The following ZNF536 variants were observed in gnomAD, a reference collection of about 807,000 sequenced individuals.
ZNF536 encodes the protein zinc finger protein 536.
ZNF536 carries 13 observed loss-of-function variants against 84.5 expected under a neutral mutation model. The ratio of observed to expected loss-of-function variants is 0.15; its 90% CI spans 0.10 to 0.24. The LOEUF is 0.24. Ranked by LOEUF, ZNF536 falls within the 10% of genes least tolerant of loss-of-function variation. The pLI is 1.00. For synonymous variants in ZNF536, 811 were observed against 742.5 expected, an observed-to-expected ratio of 1.09 and a Z score of -1.50; for missense variants, 1,536 against 1,747.5, an observed-to-expected ratio of 0.88 and a Z score of 2.16.
intron 2 of ZNF536, among the ~76,000 whole-genome samples, chr19:30,295,972 C>G (rs2045983650): frequency 6.6e-6 from 1 of 152,186 alleles, no homozygotes; most frequent in Non-Finnish European, 1.5e-5. Flanking sequence ...GTCCAGAGGC[C>G]TCCATGGGGC....
chr19:30,589,451 T>G (rs961737587), intron 1 of ZNF536, among the ~76,000 whole-genome samples: 6 of 152,180 alleles, frequency 3.9e-5, no homozygotes, highest in Non-Finnish European at 5.9e-5. Context: ...CTTTTGAAGT[T>G]GAGGAGTCCA....
chr19:30,701,393 A>AC (rs1406210949), intron 1 of ZNF536, among the ~76,000 whole-genome samples: 1 of 151,742 alleles, frequency 6.6e-6, no homozygotes, highest in Non-Finnish European at 1.5e-5. Flanking sequence ...ACACAGACAC[A>AC]CCCAAACACA....
rs148371658 is a variant in ZNF536 at position 30,365,579 on chromosome 19, C to G, written c.-3+13095C>G. On this transcript the variant is annotated intron_variant, in intron 3 of 5. Coordinates refer to the ZNF536 transcript ENST00000585628. ...CAGGCAAGGGCCACGAAGCCCACGT[C>G]TGCTTCAGACAACCCAGCTGACCAC... 3.9e-4 allele frequency among the ~76,000 whole-genome samples: 59 copies of G among 152,342 alleles called. No individual in the cohort carries two copies. In the East Asian group the frequency reaches 0.011, roughly 28 times the overall value.
At chr19:30,605,329 AC>A (rs1273866141) in intron 1 of ZNF536, among the ~76,000 whole-genome samples, 2 of 150,648 alleles carry the variant, frequency 1.3e-5, no homozygotes, top group African/African-American at 4.9e-5. Flanking sequence ...TTTACCCCTG[AC>A]CCCCTCCAAA....
chr19:30,344,293 A>G (rs1259075711), intron 2 of ZNF536, among the ~76,000 whole-genome samples: 1 of 140,698 alleles, frequency 7.1e-6, no homozygotes, highest in Non-Finnish European at 1.5e-5. Flanking sequence ...ACACACACAC[A>G]CACAAATATA....
chr19:30,625,613 G>C (rs952871920), intron 1 of ZNF536, among the ~76,000 whole-genome samples: 1 of 152,184 alleles, frequency 6.6e-6, no homozygotes, highest in Non-Finnish European at 1.5e-5. Flanking sequence ...ATTCACTCAA[G>C]GTCATAATGT....
At chr19:30,580,006 A>C (rs1293718182) in intron 1 of ZNF536, among the ~76,000 whole-genome samples, 1 of 152,190 alleles carries the variant, frequency 6.6e-6, no homozygotes, top group Non-Finnish European at 1.5e-5. Context: ...CCAAAGGCCC[A>C]TGGCTGGGAT....
intron 1 of ZNF536, among the ~76,000 whole-genome samples, chr19:30,575,861 T>C (rs2046713588): frequency 1.3e-5 from 2 of 152,100 alleles, no homozygotes; most frequent in South Asian, 4.2e-4. Flanking sequence ...GCATGTACAG[T>C]TCAGAGAACT....
chr19:30,559,575 G>C (rs1395637183), downstream of ZNF536, among the ~76,000 whole-genome samples: 6 of 152,182 alleles, frequency 3.9e-5, no homozygotes, highest in Non-Finnish European at 5.9e-5. Context: ...TGTACACCCC[G>C]CTGCCCACTT....
At chr19:30,241,618 A>T (rs530377371) in intron 1 of ZNF536, among the ~76,000 whole-genome samples, 200 of 152,278 alleles carry the variant, frequency 1.3e-3, no homozygotes, top group African/African-American at 4.6e-3. Context: ...TAAAAAAGGG[A>T]TGGAGAGAGT....
At chr19:30,276,622 G>A (rs908821672) in intron 1 of ZNF536, among the ~76,000 whole-genome samples, 2 of 152,136 alleles carry the variant, frequency 1.3e-5, no homozygotes, top group African/African-American at 4.8e-5. Context: ...TTACCCAGAT[G>A]AGCTTTTGTA....
intron 2 of ZNF536, among the ~76,000 whole-genome samples, chr19:30,308,247 G>C (rs569591864): frequency 1.3e-5 from 2 of 152,196 alleles, no homozygotes; most frequent in South Asian, 4.2e-4. Context: ...TGCATAAAGG[G>C]TAACATTACC....
chr19:30,514,599 C>T (rs1374698288), intron 2 of ZNF536, among the ~76,000 whole-genome samples: 1 of 151,968 alleles, frequency 6.6e-6, no homozygotes, highest in African/African-American at 2.4e-5. Context: ...CTTTATGCAG[C>T]TCTTCTGGTG....
chr19:30,544,434 G>T (rs2045464012), intron 3 of ZNF536, among the ~76,000 whole-genome samples: 1 of 152,198 alleles, frequency 6.6e-6, no homozygotes, highest in Non-Finnish European at 1.5e-5. Flanking sequence ...CTCAGCTCTG[G>T]CTTTTATTCT....
chr19:30,595,841 C>G (rs545280019), intron 1 of ZNF536, among the ~76,000 whole-genome samples: 1 of 152,222 alleles, frequency 6.6e-6, no homozygotes, highest in Admixed American at 6.5e-5. Flanking sequence ...TTTCTAGTGT[C>G]AGGACATAAG....
At chr19:30,539,118 A>AC (rs199778964) in intron 3 of ZNF536, among the ~76,000 whole-genome samples, 6,364 of 148,888 alleles carry the variant, frequency 0.043, 189 homozygotes, top group African/African-American at 0.078. Flanking sequence ...GGAGATATGC[A>AC]CCCCCCCCAC....
At chr19:30,273,678 G>A (rs1439785328) in intron 1 of ZNF536, among the ~76,000 whole-genome samples, 2 of 152,174 alleles carry the variant, frequency 1.3e-5, no homozygotes, top group South Asian at 2.1e-4. Flanking sequence ...TTTCTCCAAT[G>A]TGTAGCTTGT....
intron 1 of ZNF536, among the ~76,000 whole-genome samples, chr19:30,427,722 G>C (rs923295174): frequency 5.3e-5 from 8 of 152,106 alleles, no homozygotes; most frequent in Admixed American, 5.2e-4. Flanking sequence ...TCCTAGCCTG[G>C]CTTCCTCAAA....
rs1487282773 is a variant in ZNF536 at position 30,445,708 on chromosome 19, C to A, written c.2146C>A (p.His716Asn). 6.4e-7 allele frequency: 1 copy of A among 1,573,402 alleles called. No individual in the cohort carries two copies. Among genetic ancestry groups the A allele is most frequent in the Non-Finnish European group, 8.6e-7 (1 of 1,158,822 alleles). ...QTGSAQEDSPHPSSPSSSDIG... is the reference protein window; with the variant it reads ...QTGSAQEDSPNPSSPSSSDIG... ...CGGGAGTGCCCAGGAGGACAGCCCG[C>A]ACCCCTCCTCGCCATCCTCCTCAGG... is the stretch of plus-strand genomic sequence containing the variant. The change falls in exon 2 of 5, where the codon CAC becomes AAC. Residue 716 changes from histidine (H) to asparagine (N), a missense_variant. Physicochemically the swap from His to Asn is moderately conservative, Grantham distance 68 (BLOSUM62 1). Coordinates refer to ENST00000355537, the MANE Select transcript of ZNF536 (RefSeq NM_014717.3). This position sits in a 1 kb window ranked among gnomAD's most constrained non-coding sequence, Gnocchi z 4.5.
Sources: gnomAD v4.1 joint callset for allele counts (sites outside exome capture counted in the v4.1 genomes callset) on GRCh38, gnomAD v4.1.1 for gene constraint, Gnocchi (gnomAD v3.1) non-coding constraint, MANE v1.5 for transcripts, NCBI Gene and HGNC (gene_info 2026-07-23, HGNC 2026-07-21) for gene names.